INTS6: variants seen among roughly 807,000 people sequenced by gnomAD.
INTS6 encodes DEAD box protein.
A neutral mutation model predicts 104.9 loss-of-function variants in INTS6; 16 were observed. The observed-to-expected ratio is 0.15, with a 90% CI of 0.10 to 0.23. INTS6 has a LOEUF of 0.23. INTS6 is among the 10% of genes least tolerant of loss of function. INTS6 has a pLI of 1.00. For missense variants in INTS6, 584 were observed against 1,062.8 expected, an observed-to-expected ratio of 0.55 and a Z score of 6.26; for synonymous variants, 324 against 358.7, an observed-to-expected ratio of 0.90 and a Z score of 1.09.
intron 4 of INTS6, among the ~76,000 whole-genome samples, chr13:51,404,845 G>A (rs1014768085): frequency 2.0e-5 from 3 of 152,016 alleles, no homozygotes; most frequent in Admixed American, 6.5e-5. Flanking sequence ...TTGTCAACAT[G>A]TGGGGACTTT....
At chr13:51,351,793 T>C (rs1304930164), downstream of INTS6, among the ~76,000 whole-genome samples, 1 of 152,146 alleles carries the variant, frequency 6.6e-6, no homozygotes. Context: ...AGGTCTTTAA[T>C]CCATTTTGAA....
intron 3 of INTS6, chr13:51,449,354 G>A: frequency 1.9e-6 from 1 of 531,512 alleles, no homozygotes; most frequent in Non-Finnish European, 2.4e-6. Flanking sequence ...GCAAACTTTT[G>A]GTAAGCCTTA....
At position 51,369,276 on chromosome 13, in the gene INTS6, A is replaced by T. The variant is rs2137863594; in HGVS notation, c.2139T>A (p.Asp713Glu). ...GGTCTGCAACATGATTTTCAACCACATCATGTATTATCGAATCATTAGTGG... is the reference window on the plus strand; with the variant it reads ...GGTCTGCAACATGATTTTCAACCACTTCATGTATTATCGAATCATTAGTGG... The part of the protein sequence containing the change: ...SETTNDSIIH[D>E]VVENHVADQL... Residue 713 changes from aspartate (D) to glutamate (E), a missense_variant, in exon 16 of 18, where the codon GAT becomes GAA. Asp to Glu is a conservative substitution (Grantham distance 45). This residue lies in a region of INTS6 where 296 missense variants were observed against 437.0 expected (regional missense o/e 0.68). Coordinates refer to ENST00000311234, the MANE Select transcript of INTS6 (RefSeq NM_012141.3). The T allele has an allele frequency of 1.2e-6, 2 of 1,611,608 alleles. No individual in the cohort carries two copies. Among genetic ancestry groups the T allele is most frequent in the East Asian group, 2.2e-5 (1 of 44,820 alleles).
chr13:51,373,943 C>T (rs1218982168), intron 15 of INTS6, among the ~76,000 whole-genome samples: 1 of 152,200 alleles, frequency 6.6e-6, no homozygotes, highest in Non-Finnish European at 1.5e-5. Context: ...AGTGATAATG[C>T]TCCTTTCGAA....
At chr13:51,412,618 G>A (rs975840923) in intron 4 of INTS6, among the ~76,000 whole-genome samples, 10 of 152,166 alleles carry the variant, frequency 6.6e-5, no homozygotes, top group African/African-American at 2.2e-4. Flanking sequence ...TAACCTGTAT[G>A]TGCAGCTCTC....
the INTS6 span, among the ~76,000 whole-genome samples, chr13:51,344,996 G>A: frequency 6.6e-6 from 1 of 152,258 alleles, no homozygotes; most frequent in Non-Finnish European, 1.5e-5. Flanking sequence ...TCGCTGCCCA[G>A]CAATGAGGTG....
At chr13:51,432,440 T>G (rs2138107867) in intron 3 of INTS6, among the ~76,000 whole-genome samples, 1 of 150,994 alleles carries the variant, frequency 6.6e-6, no homozygotes, top group Non-Finnish European at 1.5e-5. Flanking sequence ...TTTTGTTGTG[T>G]TTACCACAAT....
chr13:51,443,309 CAG>C (rs755486488), intron 3 of INTS6: 8 of 152,014 alleles, frequency 5.3e-5, no homozygotes, highest in Admixed American at 3.3e-4. Context: ...TAATAAAACA[CAG>C]AAAGTTTAAT....
intron 11 of INTS6, 116 bp downstream of exon 11, chr13:51,379,346 A>T: frequency 4.3e-6 from 2 of 468,574 alleles, no homozygotes; most frequent in Non-Finnish European, 3.8e-6. Flanking sequence ...AAAATGTAAT[A>T]TATTAATATA....
chr13:51,372,743 A>T (rs1180466395), intron 15 of INTS6, among the ~76,000 whole-genome samples: 1 of 152,208 alleles, frequency 6.6e-6, no homozygotes, highest in African/African-American at 2.4e-5. Flanking sequence ...ACCAGTAACC[A>T]AGTCCTTCAG....
chr13:51,400,614 A>T (rs541370566), intron 4 of INTS6, among the ~76,000 whole-genome samples: 1 of 152,196 alleles, frequency 6.6e-6, no homozygotes, highest in Non-Finnish European at 1.5e-5. Flanking sequence ...TACACGTGGT[A>T]GTCTATTTCT....
chr13:51,397,719 G>A (rs932067668), intron 4 of INTS6, among the ~76,000 whole-genome samples: 2 of 152,106 alleles, frequency 1.3e-5, no homozygotes, highest in African/African-American at 2.4e-5. Flanking sequence ...GTGGTACTGC[G>A]TGAAGTTTCA....
chr13:51,440,269 T>A (rs897972683), intron 3 of INTS6: 17 of 151,698 alleles, frequency 1.1e-4, no homozygotes, highest in Non-Finnish European at 1.3e-4. Flanking sequence ...AAAAAGTTTT[T>A]AAAAAAATAA....
intron 7 of INTS6, chr13:51,384,826 T>C (rs1368471177): frequency 2.6e-6 from 1 of 379,760 alleles, no homozygotes; most frequent in Non-Finnish European, 5.2e-6. Flanking sequence ...AGAAATGTTA[T>C]CTTCTATTTC....
intron 4 of INTS6, among the ~76,000 whole-genome samples, chr13:51,406,310 C>T (rs947283609): frequency 6.6e-6 from 1 of 152,154 alleles, no homozygotes; most frequent in South Asian, 2.1e-4. Flanking sequence ...CTGAATGGCT[C>T]AAAGGGTATG....
chr13:51,452,305 G>T lies in INTS6; in HGVS notation c.111+110C>A. 1 of 1,110,304 alleles carries T rather than the reference G, an allele frequency of 9.0e-7. No homozygotes were observed. The highest frequency in any genetic ancestry group is 1.1e-6 in the Non-Finnish European group (1 of 893,278). The allele number at this position is 1,110,304 out of a possible 1,614,324, so 68.8% of individuals were successfully genotyped here. ...GTGGGGGAGGGGGTCCCCGAGCCCGGCAGCTCCCGCAGTCAGGTCCCCGAC... is the reference window on the plus strand; with the variant it reads ...GTGGGGGAGGGGGTCCCCGAGCCCGTCAGCTCCCGCAGTCAGGTCCCCGAC... On this transcript the variant is annotated intron_variant, in intron 1 of 17. Coordinates refer to ENST00000311234, the MANE Select transcript of INTS6 (RefSeq NM_012141.3). The surrounding 1 kb of genome is among the most constrained non-coding windows in gnomAD (Gnocchi z 4.2).
intron 4 of INTS6, among the ~76,000 whole-genome samples, chr13:51,413,562 A>T (rs1435880170): frequency 6.6e-6 from 1 of 152,232 alleles, no homozygotes. Flanking sequence ...AAGTTGCAGA[A>T]CCAGGAATCA....
intron 4 of INTS6, among the ~76,000 whole-genome samples, chr13:51,424,614 A>G (rs866894521): frequency 1.8e-4 from 27 of 152,052 alleles, no homozygotes; most frequent in Admixed American, 6.6e-5. Flanking sequence ...TACATTCAAC[A>G]AATTCTTATT....
At chr13:51,449,981 T>C (rs1337538407) in intron 3 of INTS6, 1 of 985,338 alleles carries the variant, frequency 1.0e-6, no homozygotes, top group South Asian at 4.7e-5. Flanking sequence ...AGCACTGAAG[T>C]TATCCCTAAG....
Sources: allele counts gnomAD v4.1 joint callset (sites outside exome capture counted in the v4.1 genomes callset), GRCh38; gene constraint gnomAD v4.1.1; regional missense constraint gnomAD v4.1.1; non-coding constraint Gnocchi (gnomAD v3.1); transcripts MANE v1.5; gene names NCBI Gene and HGNC (gene_info 2026-07-23, HGNC 2026-07-21).